The following SLC39A11 variants were observed in gnomAD, a reference collection of about 807,000 sequenced individuals.
SLC39A11 encodes zinc transporter ZIP11.
SLC39A11 carries 33 observed loss-of-function variants against 36.1 expected under a neutral mutation model. That is an observed-to-expected ratio of 0.91 (90% CI 0.69 to 1.22). SLC39A11 has a LOEUF of 1.22. SLC39A11 is among the 50% of genes most tolerant of loss of function. The pLI, the probability that SLC39A11 is intolerant of heterozygous loss-of-function variation, is 0.00. For synonymous variants in SLC39A11, 166 were observed against 170.3 expected (o/e 0.97, Z 0.20); for missense variants, 432 against 430.3 (o/e 1.00, Z -0.03).
chr17:72,797,389 T>C (rs1365616201), intron 6 of SLC39A11, among the ~76,000 whole-genome samples: 1 of 152,074 alleles, frequency 6.6e-6, no homozygotes, highest in Non-Finnish European at 1.5e-5. Flanking sequence ...GAGTAACTAC[T>C]GGCAGGTAAA....
intron 7 of SLC39A11, among the ~76,000 whole-genome samples, chr17:72,699,023 G>T (rs188625857): frequency 6.6e-6 from 1 of 152,102 alleles, no homozygotes; most frequent in Non-Finnish European, 1.5e-5. Flanking sequence ...TAGAGACGGG[G>T]TTTCACCATG....
At chr17:72,915,144 G>A (rs1370384381) in intron 5 of SLC39A11, among the ~76,000 whole-genome samples, 1 of 152,056 alleles carries the variant, frequency 6.6e-6, no homozygotes, top group Non-Finnish European at 1.5e-5. Flanking sequence ...ACAGACCCAG[G>A]GGGAGACTGC....
chr17:72,707,715 A>G (rs2072949725), intron 7 of SLC39A11, among the ~76,000 whole-genome samples: 1 of 152,166 alleles, frequency 6.6e-6, no homozygotes, highest in African/African-American at 2.4e-5. Flanking sequence ...GTTCTGTTAT[A>G]TTAAGTCAGG....
chr17:72,900,618 T>C (rs1042683561), intron 5 of SLC39A11, among the ~76,000 whole-genome samples: 6 of 148,530 alleles, frequency 4.0e-5, no homozygotes, highest in Non-Finnish European at 7.4e-5. Context: ...GAGACCTTAC[T>C]GCAAGAGGGA....
intron 7 of SLC39A11, among the ~76,000 whole-genome samples, chr17:72,733,099 A>C (rs569833937): frequency 6.6e-6 from 1 of 152,326 alleles, no homozygotes; most frequent in South Asian, 2.1e-4. Context: ...ATCCAAGGGC[A>C]AGGGCACGGC....
intron 7 of SLC39A11, among the ~76,000 whole-genome samples, chr17:72,696,007 T>TG (rs1171994577): frequency 6.6e-6 from 1 of 152,214 alleles, no homozygotes; most frequent in African/African-American, 2.4e-5. Context: ...AGGAGACTAA[T>TG]GCAGGGGCAG....
At chr17:72,998,472 G>A (rs887310740) in intron 4 of SLC39A11, among the ~76,000 whole-genome samples, 3 of 152,164 alleles carry the variant, frequency 2.0e-5, no homozygotes, top group African/African-American at 7.2e-5. Flanking sequence ...ATTATAGACA[G>A]TAATTACCAC....
intron 7 of SLC39A11, among the ~76,000 whole-genome samples, chr17:72,692,470 G>A (rs2144449963): frequency 6.6e-6 from 1 of 152,280 alleles, no homozygotes; most frequent in South Asian, 2.1e-4. Context: ...TCAGAATCAT[G>A]GCGGAAGGCA....
chr17:72,972,239 T>C (rs921524941), intron 4 of SLC39A11, among the ~76,000 whole-genome samples: 1 of 152,124 alleles, frequency 6.6e-6, no homozygotes, highest in Non-Finnish European at 1.5e-5. Flanking sequence ...GTGACAGCCA[T>C]CACGGCCCAT....
intron 7 of SLC39A11, among the ~76,000 whole-genome samples, chr17:72,658,555 C>A (rs1251509134): frequency 6.6e-6 from 1 of 152,164 alleles, no homozygotes; most frequent in African/African-American, 2.4e-5. Flanking sequence ...CCACCCATCA[C>A]CCATGTTAAA....
intron 4 of SLC39A11, among the ~76,000 whole-genome samples, chr17:72,960,383 ATAGGTAGG>A (rs561968831): frequency 1.2e-3 from 189 of 152,254 alleles, no homozygotes; most frequent in African/African-American, 3.8e-3. Context: ...TCTTGTATAC[ATAGGTAGG>A]TAGGTAGGTA....
intron 6 of SLC39A11, among the ~76,000 whole-genome samples, chr17:72,826,694 GAAC>G (rs1319184043): frequency 6.6e-6 from 1 of 152,244 alleles, no homozygotes; most frequent in African/African-American, 2.4e-5. Context: ...CCCAAAGTAA[GAAC>G]TACTATTGTG....
At chr17:72,716,992 T>TACACACACAC (rs367641582) in intron 7 of SLC39A11, among the ~76,000 whole-genome samples, 4 of 126,448 alleles carry the variant, frequency 3.2e-5, no homozygotes, top group South Asian at 2.4e-4. Flanking sequence ...TATATATATA[T>TACACACACAC]ACACACACAC....
chr17:72,763,668 TCCATC>T (rs1164273235), intron 6 of SLC39A11, among the ~76,000 whole-genome samples: 1 of 152,226 alleles, frequency 6.6e-6, no homozygotes, highest in African/African-American at 2.4e-5. Flanking sequence ...ACCCATTTAT[TCCATC>T]CATAAGTACT....
chr17:72,911,092 G>C (rs2082965961), intron 5 of SLC39A11, among the ~76,000 whole-genome samples: 1 of 152,032 alleles, frequency 6.6e-6, no homozygotes, highest in African/African-American at 2.4e-5. Flanking sequence ...AAGTAACAGA[G>C]TAATCACACC....
intron 3 of SLC39A11, among the ~76,000 whole-genome samples, chr17:73,033,255 A>G (rs1328061021): frequency 6.6e-6 from 1 of 152,210 alleles, no homozygotes; most frequent in Non-Finnish European, 1.5e-5. Flanking sequence ...GCCATGGATC[A>G]GCACTGGTCC....
chr17:73,053,910 T>C (rs1274360037), intron 3 of SLC39A11, among the ~76,000 whole-genome samples: 3 of 152,324 alleles, frequency 2.0e-5, no homozygotes, highest in Non-Finnish European at 2.9e-5. Context: ...TCTTCCTTCA[T>C]TGGGAGAATC....
intron 3 of SLC39A11, among the ~76,000 whole-genome samples, chr17:73,070,005 T>C (rs1361567915): frequency 1.3e-5 from 2 of 152,364 alleles, no homozygotes; most frequent in Admixed American, 6.5e-5. Flanking sequence ...GCCCGTCTGA[T>C]GGCAGAGGGC....
intron 5 of SLC39A11, among the ~76,000 whole-genome samples, chr17:72,870,235 C>A (rs1424912663): frequency 6.6e-6 from 1 of 152,174 alleles, no homozygotes; most frequent in African/African-American, 2.4e-5. Flanking sequence ...TCTCTGGTTT[C>A]TATGCCAATC....
Sources: allele counts gnomAD v4.1 joint callset (sites outside exome capture counted in the v4.1 genomes callset), GRCh38; gene constraint gnomAD v4.1.1; transcripts MANE v1.5; gene names NCBI Gene and HGNC (gene_info 2026-07-23, HGNC 2026-07-21).